TTN: variants seen among roughly 807,000 people sequenced by gnomAD.
The protein encoded by TTN is connectin.
In TTN, 1,525 loss-of-function variants were observed where a neutral mutation model predicts 3,223.0. The observed-to-expected ratio is 0.47, with a 90% CI of 0.45 to 0.49. The LOEUF is 0.49. Ranked by LOEUF, TTN falls within the 20% of genes least tolerant of loss-of-function variation. The pLI, the probability that TTN is intolerant of heterozygous loss-of-function variation, is 0.00. For missense variants in TTN, 40,786 were observed against 43,424.0 expected, an observed-to-expected ratio of 0.94 and a Z score of 5.40; for synonymous variants, 14,094 against 15,161.0, an observed-to-expected ratio of 0.93 and a Z score of 5.17.
chr2:178,632,745 C>T lies in TTN; in HGVS notation c.43261G>A (p.Glu14421Lys), dbSNP rs748507741. ...CACTCAAACTTAGCCTCATCTTTCT[C>T]GAAGACTTTAACATCACTGAGAGGT... The part of the protein sequence containing the change: ...ITPLSDVKVF[E>K]KDEAKFECEV... Residue 14421 changes from glutamate (E) to lysine (K), a missense_variant, in exon 235 of 363, where the codon GAG becomes AAG. Glu to Lys is a moderately conservative substitution (Grantham distance 56). Coordinates refer to ENST00000589042, the MANE Select transcript of TTN (RefSeq NM_001267550.2). The T allele has an allele frequency of 1.6e-5, 26 of 1,613,098 alleles. No homozygotes were observed. Among genetic ancestry groups the T allele is most frequent in the South Asian group, 1.2e-4 (11 of 91,058 alleles).
At chr2:178,675,536 G>A (rs997809875) in intron 149 of TTN, 135 bp downstream of exon 149, 3 of 648,470 alleles carry the variant, frequency 4.6e-6, no homozygotes, top group Non-Finnish European at 6.8e-6. Flanking sequence ...ACAAACTTGG[G>A]TGCAAAAGAG....
intron 7 of TTN, 58 bp downstream of exon 7, chr2:178,794,864 A>G: frequency 6.3e-7 from 1 of 1,584,154 alleles, no homozygotes; most frequent in Non-Finnish European, 8.6e-7. Context: ...CATGGCAGAA[A>G]TCCAGTTGGA....
In TTN at chr2:178,536,194, T is replaced by C. The variant is rs1691428129; in HGVS notation, c.100553A>G (p.Lys33518Arg). 4 of 1,613,438 alleles carry C rather than the reference T, an allele frequency of 2.5e-6. No homozygotes were observed. The highest frequency in any genetic ancestry group is 1.3e-5 in the African/African-American group (1 of 74,926). The change falls in exon 357 of 363, where the codon AAA (lysine) becomes AGA (arginine). Residue 33518 changes from lysine (K) to arginine (R), a missense_variant. Physicochemically the swap from Lys to Arg is conservative, Grantham distance 26 (BLOSUM62 2). Transcript: ENST00000589042. The stretch of plus-strand genomic sequence containing the variant: ...GATAGGTTTTGGATGACCAGTCACT[T>C]TGCAGACCAAGGTAGCATTGCTCTG... ...RYQSNATLVC[K>R]VTGHPKPIVK...
At position 178,682,640 on chromosome 2, in the gene TTN, T is replaced by C. The variant is rs1577356669; in HGVS notation, c.33094+57A>G. Reference sequence around the variant, plus strand: ...TCTTGTTATGATTTATCTTGTTTTATCTTGTTTGAGTGTGCACATATTTAG... The same window carrying C: ...TCTTGTTATGATTTATCTTGTTTTACCTTGTTTGAGTGTGCACATATTTAG... On this transcript the variant is annotated intron_variant, in intron 135 of 362. Coordinates refer to ENST00000589042, the MANE Select transcript of TTN (RefSeq NM_001267550.2). The C allele has an allele frequency of 2.6e-5, 37 of 1,432,994 alleles. No individual in the cohort carries two copies. The East Asian group carries it at 8.7e-4, about 34-fold the overall frequency. The allele number at this position is 1,432,994 out of a possible 1,614,324, so 88.8% of individuals were successfully genotyped here.
Position 178,750,643 on chromosome 2 carries a change from G to C in TTN, c.11311+2481C>G, listed in dbSNP as rs369074426. 72 of 1,612,746 alleles carry C rather than the reference G, an allele frequency of 4.5e-5. No individual in the cohort carries two copies. Among genetic ancestry groups the C allele is most frequent in the Non-Finnish European group, 5.8e-5 (68 of 1,179,406 alleles). On this transcript the variant is annotated intron_variant, in intron 47 of 362. Coordinates refer to ENST00000589042, the MANE Select transcript of TTN (RefSeq NM_001267550.2). ...TGTTTTCTTCCTTCTGTTCGGTTTT[G>C]AATTCATCAATTCGTGTAGAAGCAG...
At chr2:178,804,710 CTGCTT>C in intron 1 of TTN, 55 bp from the exon 2 acceptor site, 1 of 1,528,572 alleles carries the variant, frequency 6.5e-7, no homozygotes, top group East Asian at 2.3e-5. Context: ...CACTCTGGAG[CTGCTT>C]TGCAGATAGC....
chr2:178,614,487 C>T lies in TTN; in HGVS notation c.49027G>A (p.Val16343Met), dbSNP rs2056942530. The change falls in exon 261 of 363, where the codon GTG becomes ATG. Residue 16343 changes from valine to methionine, a missense_variant. By Grantham distance (21) the Val-to-Met change is conservative. Coordinates refer to ENST00000589042, the MANE Select transcript of TTN (RefSeq NM_001267550.2). ...AVNVCGRATA[V>M]VEVNVLDKPG... Reference sequence around the variant, plus strand: ...TTACCTAAGACGTTCACTTCCACCACAGCAGTGGCCCGGCCACACACATTC... The same window carrying T: ...TTACCTAAGACGTTCACTTCCACCATAGCAGTGGCCCGGCCACACACATTC... 1 of 1,608,394 alleles carries T rather than the reference C, an allele frequency of 6.2e-7. No homozygotes were observed. The highest frequency in any genetic ancestry group is 8.5e-7 in the Non-Finnish European group (1 of 1,176,840).
In TTN at chr2:178,720,996, C is replaced by A. The variant is rs552951988; in HGVS notation, c.23023G>T (p.Asp7675Tyr). The A allele has an allele frequency of 7.2e-4, 1,157 of 1,612,910 alleles. 12 individuals carry two copies. In the South Asian group the frequency reaches 0.012, roughly 17 times the overall value. The part of the protein sequence containing the change: ...LLTINEASAE[D>Y]SGDYICEAHN... ...GCCTCACAAATGTAGTCCCCGCTGT[C>A]TTCAGCACTAGCTTCATTGATCGTA... Residue 7675 changes from aspartate to tyrosine, a missense_variant, in exon 79 of 363, where the codon GAC becomes TAC. By Grantham distance (160) the Asp-to-Tyr change is radical. Transcript: ENST00000589042.
chr2:178,800,278 T>A (rs2093991378), intron 4 of TTN, 117 bp downstream of exon 4: 2 of 1,381,634 alleles, frequency 1.4e-6, no homozygotes, highest in East Asian at 4.6e-5. Context: ...CCAGCTTTTA[T>A]ATCAGCTCAC....
chr2:178,653,002 G>A, intron 199 of TTN, 39 bp downstream of exon 199: 2 of 1,606,866 alleles, frequency 1.2e-6, no homozygotes, highest in Non-Finnish European at 1.7e-6. Context: ...AAGAAATGAA[G>A]AGTTCAGTCT....
rs2077607600 is a variant in TTN at position 178,717,145 on chromosome 2, G to T, written c.25589C>A (p.Ala8530Glu). ...KGDAGQYTCYASNIAGKDSCS... is the reference protein window; with the variant it reads ...KGDAGQYTCYESNIAGKDSCS... ...AGAGTCTTTTCCAGCGATGTTGCTT[G>T]CATAGCAGGTGTACTGCCCGGCATC... The change falls in exon 88 of 363, where the codon GCA (alanine) becomes GAA (glutamate). Residue 8530 changes from alanine (A) to glutamate (E), a missense_variant. By Grantham distance (107) the Ala-to-Glu change is moderately radical. Transcript: ENST00000589042. 6.2e-7 allele frequency: 1 copy of T among 1,613,418 alleles called. No individual in the cohort carries two copies. The highest frequency in any genetic ancestry group is 8.5e-7 in the Non-Finnish European group (1 of 1,179,608).
Position 178,739,637 on chromosome 2 carries a change from A to G in TTN, c.13596T>C (p.Thr4532=). 2 of 1,613,914 alleles carry G rather than the reference A, an allele frequency of 1.2e-6. No homozygotes were observed. Among genetic ancestry groups the G allele is most frequent in the Non-Finnish European group, 1.7e-6 (2 of 1,179,842 alleles). The change falls in exon 48 of 363, where the codon ACT becomes ACC. Residue 4532 remains threonine, a synonymous_variant. Transcript: ENST00000589042. ...PEVESKYLIS[T]EEVSYFNVQS... is the part of the protein sequence containing the mutation. ...GCACGTTAAAATAACTGACCTCTTC[A>G]GTTGAGATCAGATATTTAGATTCAA...
rs1697337398 is a variant in TTN at position 178,546,743 on chromosome 2, G to T, written c.94685C>A (p.Thr31562Asn). Residue 31562 changes from threonine (T) to asparagine (N), a missense_variant, in exon 341 of 363, where the codon ACC becomes AAC. Thr to Asn is a moderately conservative substitution (Grantham distance 65). Coordinates refer to ENST00000589042, the MANE Select transcript of TTN (RefSeq NM_001267550.2). Reference protein sequence around the residue: ...GDGRWLKCNYTIVSDNFFTVT... With the variant: ...GDGRWLKCNYNIVSDNFFTVT... ...GGTGAAGAAATTGTCAGATACAATG[G>T]TGTAGTTGCACTTCAGCCAGCGACC... 6.2e-7 allele frequency: 1 copy of T among 1,613,596 alleles called. No individual in the cohort carries two copies. The highest frequency in any genetic ancestry group is 8.5e-7 in the Non-Finnish European group (1 of 1,179,746).
chr2:178,710,670 C>A lies in TTN; in HGVS notation c.28427G>T (p.Gly9476Val). Reference protein sequence around the residue: ...QYTCYAVNEVGKDSCTAQLNI... With the variant: ...QYTCYAVNEVVKDSCTAQLNI... ...CAGCTGAGCTGTGCAAGAGTCTTTT[C>A]CCACTTCATTCACAGCATAGCAGGT... The change falls in exon 98 of 363, where the codon GGA becomes GTA. Residue 9476 changes from glycine (G) to valine (V), a missense_variant. Gly to Val is a moderately radical substitution (Grantham distance 109). Transcript: ENST00000589042. The A allele has an allele frequency of 6.2e-7, 1 of 1,612,872 alleles. No individual in the cohort carries two copies. Among genetic ancestry groups the A allele is most frequent in the Non-Finnish European group, 8.5e-7 (1 of 1,179,666 alleles).
At chr2:178,676,805 A>G (rs2068166779) in intron 147 of TTN, among the ~76,000 whole-genome samples, 1 of 151,782 alleles carries the variant, frequency 6.6e-6, no homozygotes, top group Non-Finnish European at 1.5e-5. Context: ...TTTTCTTTTT[A>G]GCCTGGTGTT....
In TTN at chr2:178,543,439, T is replaced by A; in HGVS notation, c.96534A>T (p.Arg32178Ser). ...GLVEGTMYYFRVLPENIYGIG... is the reference protein window; with the variant it reads ...GLVEGTMYYFSVLPENIYGIG... The stretch of plus-strand genomic sequence containing the variant: ...TGCCATAAATATTTTCTGGCAGCAC[T>A]CTGAAATAGTACATGGTTCCTTCTA... Residue 32178 changes from arginine to serine, a missense_variant, in exon 347 of 363, where the codon AGA (arginine) becomes AGT (serine). By Grantham distance (110) the Arg-to-Ser change is moderately radical. Transcript: ENST00000589042. The A allele has an allele frequency of 6.2e-7, 1 of 1,613,816 alleles. No individual in the cohort carries two copies. Among genetic ancestry groups the A allele is most frequent in the Non-Finnish European group, 8.5e-7 (1 of 1,179,786 alleles).
intron 43 of TTN, among the ~76,000 whole-genome samples, chr2:178,762,114 T>C (rs1661412069): frequency 6.6e-6 from 1 of 152,132 alleles, no homozygotes; most frequent in African/African-American, 2.4e-5. Flanking sequence ...GACTCCCAAT[T>C]TCTTTCCAAT....
chr2:178,531,316 G>A lies in TTN; in HGVS notation c.105299C>T (p.Ala35100Val). ...TGCAGCACTTTTCATTTCTGCAGAT[G>A]CAGAGTGTTCATATGAGGAGAGACT... ...RESLSSYEHS[A>V]SAEMKSAALE... The change falls in exon 358 of 363, where the codon GCA (alanine) becomes GTA (valine). Residue 35100 changes from alanine to valine, a missense_variant. Physicochemically the swap from Ala to Val is moderately conservative, Grantham distance 64. Coordinates refer to ENST00000589042, the MANE Select transcript of TTN (RefSeq NM_001267550.2). The A allele has an allele frequency of 6.2e-7, 1 of 1,614,002 alleles. No individual in the cohort carries two copies. Among genetic ancestry groups the A allele is most frequent in the Non-Finnish European group, 8.5e-7 (1 of 1,179,888 alleles).
In TTN at chr2:178,577,728, C is replaced by T. The variant is rs2046756286; in HGVS notation, c.68698G>A (p.Ala22900Thr). Residue 22900 changes from alanine to threonine, a missense_variant, in exon 323 of 363, where the codon GCC becomes ACC. By Grantham distance (58) the Ala-to-Thr change is moderately conservative (BLOSUM62 0). Transcript: ENST00000589042. Reference sequence around the variant, plus strand: ...TCAACAAGGTCAGTTACAGTAAAGGCACATTCTGGGACATTAACATGGTTG... The same window carrying T: ...TCAACAAGGTCAGTTACAGTAAAGGTACATTCTGGGACATTAACATGGTTG... The part of the protein sequence containing the change: ...KANHVNVPEC[A>T]FTVTDLVEGG... 1.3e-5 allele frequency: 21 copies of T among 1,613,418 alleles called. No individual in the cohort carries two copies. Among genetic ancestry groups the T allele is most frequent in the Non-Finnish European group, 1.8e-5 (21 of 1,179,598 alleles).
Sources: allele counts gnomAD v4.1 joint callset (sites outside exome capture counted in the v4.1 genomes callset), GRCh38; gene constraint gnomAD v4.1.1; transcripts MANE v1.5; gene names NCBI Gene and HGNC (gene_info 2026-07-23, HGNC 2026-07-21).